The following ME3 variants were observed in gnomAD, a reference collection of about 807,000 sequenced individuals.
ME3 encodes the protein NADP-dependent malic enzyme, mitochondrial.
Under a neutral mutation model 68.9 loss-of-function variants are expected in ME3, and 48 were observed. The observed-to-expected ratio is 0.70, with a 90% confidence interval of 0.55 to 0.89. The LOEUF (loss-of-function observed/expected upper bound fraction) is 0.89. Ranked by LOEUF, ME3 falls within the 40% of genes least tolerant of loss-of-function variation. The pLI is 0.00. For missense variants in ME3, 675 were observed against 797.4 expected, an observed-to-expected ratio of 0.85 and a Z score of 1.85; for synonymous variants, 320 against 318.8, an observed-to-expected ratio of 1.00 and a Z score of -0.04.
intron 2 of ME3, among the ~76,000 whole-genome samples, chr11:86,651,069 G>C (rs538817946): frequency 6.6e-6 from 1 of 152,234 alleles, no homozygotes. Flanking sequence ...CATTGCTGAG[G>C]CTTGAGTAGG....
chr11:86,635,991 C>G (rs893198487), intron 2 of ME3, among the ~76,000 whole-genome samples: 2 of 152,178 alleles, frequency 1.3e-5, no homozygotes, highest in African/African-American at 4.8e-5. Context: ...TTAACCTAGT[C>G]CCCGTATCCT....
intron 2 of ME3, among the ~76,000 whole-genome samples, chr11:86,617,779 T>A (rs1042885020): frequency 6.6e-6 from 1 of 152,170 alleles, no homozygotes; most frequent in Non-Finnish European, 1.5e-5. Flanking sequence ...AAGAAAAATA[T>A]ACTTTGGCTC....
chr11:86,644,194 A>G (rs1944853628), intron 2 of ME3, among the ~76,000 whole-genome samples: 1 of 152,002 alleles, frequency 6.6e-6, no homozygotes, highest in Non-Finnish European at 1.5e-5. Context: ...CTCTATTTCT[A>G]ATCTGACCGC....
At chr11:86,556,826 A>G (rs1346291386) in intron 3 of ME3, 124 bp from the exon 4 acceptor site, 1 of 1,025,418 alleles carries the variant, frequency 9.8e-7, no homozygotes, top group Non-Finnish European at 1.4e-6. Context: ...TGGGCAAGCC[A>G]TCTGCCCTGA....
At chr11:86,456,997 C>G (rs543284542) in intron 8 of ME3, among the ~76,000 whole-genome samples, 1 of 152,214 alleles carries the variant, frequency 6.6e-6, no homozygotes, top group African/African-American at 2.4e-5. Flanking sequence ...ACCACCAAGT[C>G]TTCAGACCCT....
chr11:86,479,822 C>CTT (rs72568900), intron 7 of ME3, among the ~76,000 whole-genome samples: 12 of 147,350 alleles, frequency 8.1e-5, no homozygotes, highest in African/African-American at 2.5e-4. Flanking sequence ...TTTTTTCTTT[C>CTT]TTTTTTTTTT....
intron 4 of ME3, among the ~76,000 whole-genome samples, chr11:86,545,888 G>A (rs1358610774): frequency 6.6e-6 from 1 of 152,168 alleles, no homozygotes; most frequent in African/African-American, 2.4e-5. Context: ...AAAGCTGGAG[G>A]CATCATGCTA....
chr11:86,654,593 A>T (rs1198600509), intron 2 of ME3, among the ~76,000 whole-genome samples: 1 of 152,232 alleles, frequency 6.6e-6, no homozygotes, highest in African/African-American at 2.4e-5. Context: ...GATGGGACAT[A>T]TCTCAAAATA....
downstream of ME3, among the ~76,000 whole-genome samples, chr11:86,438,649 T>C (rs1354951952): frequency 6.6e-6 from 1 of 152,212 alleles, no homozygotes; most frequent in Non-Finnish European, 1.5e-5. Context: ...TTACTTATTA[T>C]AGGTATATTG....
chr11:86,543,349 C>A (rs181130359), intron 4 of ME3, among the ~76,000 whole-genome samples: 3 of 152,280 alleles, frequency 2.0e-5, no homozygotes, highest in Non-Finnish European at 4.4e-5. Flanking sequence ...AATTAAAAGA[C>A]AAAGACTGGC....
intron 6 of ME3, among the ~76,000 whole-genome samples, chr11:86,497,575 C>G (rs116133966): frequency 0.026 from 3,904 of 152,172 alleles, 60 homozygotes; most frequent in Non-Finnish European, 0.032. Flanking sequence ...TCCAGTCATT[C>G]CACTGGGGCA....
chr11:86,627,704 G>A lies in ME3; in HGVS notation c.183+44058C>T, dbSNP rs571610297. Reference sequence around the variant, plus strand: ...TCAACCTCAAAATCATAACCCTCAGGACCCAGTGAATATCCTTAAGGCTCC... The same window carrying A: ...TCAACCTCAAAATCATAACCCTCAGAACCCAGTGAATATCCTTAAGGCTCC... On this transcript the variant is annotated intron_variant, in intron 2 of 14. Transcript: ENST00000543262. 5.3e-5 allele frequency among the ~76,000 whole-genome samples: 8 copies of A among 152,142 alleles called. No homozygotes were observed. The East Asian group carries it at 1.5e-3, about 29-fold the overall frequency.
At chr11:86,554,379 A>G (rs1176520702) in intron 4 of ME3, among the ~76,000 whole-genome samples, 3 of 152,188 alleles carry the variant, frequency 2.0e-5, no homozygotes, top group African/African-American at 4.8e-5. Context: ...TGGAAAAGCA[A>G]AATTGTGTAT....
intron 2 of ME3, among the ~76,000 whole-genome samples, chr11:86,657,734 AT>A (rs1207580950): frequency 6.6e-6 from 1 of 152,350 alleles, no homozygotes; most frequent in East Asian, 1.9e-4. Context: ...TAGAAAAAAA[AT>A]AATAACCATC....
intron 4 of ME3, among the ~76,000 whole-genome samples, chr11:86,539,816 C>A (rs1354970052): frequency 6.6e-6 from 1 of 152,178 alleles, no homozygotes; most frequent in South Asian, 2.1e-4. Context: ...GGTGTCCAAC[C>A]TTTTGGCTTC....
intron 2 of ME3, among the ~76,000 whole-genome samples, chr11:86,601,898 C>A (rs1724632199): frequency 6.9e-6 from 1 of 145,356 alleles, no homozygotes; most frequent in Admixed American, 6.9e-5. Context: ...TGACAAAATT[C>A]AACAACGCTT....
chr11:86,626,988 T>A (rs972002273), intron 2 of ME3, among the ~76,000 whole-genome samples: 5 of 152,182 alleles, frequency 3.3e-5, no homozygotes, highest in Admixed American at 3.3e-4. Context: ...AGGTAAAGGA[T>A]GACAGGAGAA....
At chr11:86,496,293 C>G (rs2139003649) in intron 6 of ME3, among the ~76,000 whole-genome samples, 1 of 152,218 alleles carries the variant, frequency 6.6e-6, no homozygotes, top group Admixed American at 6.5e-5. Context: ...GTAATCCCAG[C>G]TACTCAGGAG....
intron 4 of ME3, among the ~76,000 whole-genome samples, chr11:86,538,666 C>T (rs541878595): frequency 1.3e-5 from 2 of 152,302 alleles, no homozygotes; most frequent in South Asian, 2.1e-4. Flanking sequence ...GCTCTTCCCT[C>T]CTCATGCTTC....
Sources: gnomAD v4.1 joint callset for allele counts (sites outside exome capture counted in the v4.1 genomes callset) on GRCh38, gnomAD v4.1.1 for gene constraint, MANE v1.5 for transcripts, NCBI Gene and HGNC (gene_info 2026-07-23, HGNC 2026-07-21) for gene names.